Variants in MANBA observed in about 807,000 individuals in gnomAD.
MANBA encodes the protein mannosidase beta.
MANBA carries 83 observed loss-of-function variants against 111.1 expected under a neutral mutation model. The ratio of observed to expected loss-of-function variants is 0.75; its 90% CI spans 0.63 to 0.90. MANBA has a LOEUF of 0.90. Among genes scored for constraint, MANBA ranks in the 40% least tolerant of loss-of-function variants. The probability of loss-of-function intolerance (pLI) is 0.00; values close to 1 mark genes in which losing one functional copy is unlikely to be tolerated. For missense variants in MANBA, 1,036 were observed against 1,069.0 expected, an observed-to-expected ratio of 0.97 and a Z score of 0.43; for synonymous variants, 370 against 378.7, an observed-to-expected ratio of 0.98 and a Z score of 0.27.
At chr4:102,674,868 A>G (rs1297336642) in intron 7 of MANBA, among the ~76,000 whole-genome samples, 1 of 152,262 alleles carries the variant, frequency 6.6e-6, no homozygotes, top group Non-Finnish European at 1.5e-5. Context: ...TTAAGCCAAA[A>G]GCACACATTT....
At position 102,659,690 on chromosome 4, in the gene MANBA, A is replaced by G. The variant is rs914372927; in HGVS notation, c.1486-1790T>C. On this transcript the variant is annotated intron_variant, in intron 11 of 16. Transcript: ENST00000647097. ...CTAAACCCCTGACATTCATTTCCTG[A>G]TCATTTCACTCCACTGAAATGTTTT... Among the ~76,000 whole-genome samples, 8 of 152,130 alleles carry G rather than the reference A, an allele frequency of 5.3e-5. No homozygotes were observed. In the South Asian group the frequency reaches 1.5e-3, roughly 28 times the overall value.
At chr4:102,635,086 T>C (rs373469166) in intron 15 of MANBA, 41 bp from the exon 16 acceptor site, 26 of 1,607,814 alleles carry the variant, frequency 1.6e-5, no homozygotes, top group Non-Finnish European at 2.1e-5. Flanking sequence ...GCATTCTTGG[T>C]TGCTATGTTT....
intron 5 of MANBA, among the ~76,000 whole-genome samples, chr4:102,693,400 G>C (rs1732570547): frequency 1.3e-5 from 2 of 152,212 alleles, no homozygotes; most frequent in South Asian, 2.1e-4. Context: ...ATAAGGGTGG[G>C]GCAGTAATCT....
intron 1 of MANBA, chr4:102,728,754 G>A: frequency 1.1e-6 from 1 of 883,286 alleles, no homozygotes; most frequent in Non-Finnish European, 1.7e-6. Flanking sequence ...GTTCACTTGG[G>A]CAGGACGTCA....
At chr4:102,706,752 T>C (rs946116213) in intron 5 of MANBA, among the ~76,000 whole-genome samples, 27 of 151,668 alleles carry the variant, frequency 1.8e-4, no homozygotes, top group African/African-American at 6.1e-4. Context: ...CAGACAGATA[T>C]AATAAAAAAG....
At chr4:102,760,965 ACTCAC>A in exon 1 of MANBA, 1 of 1,419,288 alleles carries the variant, frequency 7.0e-7, no homozygotes. Context: ...CGGTGAAGCC[ACTCAC>A]CCCCTCGGAA....
rs1458209715 is a variant in MANBA, at chr4:102,722,657, AC to A, written c.549+213del. Reference sequence around the variant, plus strand: ...TTTTTCTGTTACCTAAGTTCTGAACACGCTTCAGGAAGAAAACTTAGAAAAA... The same window carrying A: ...TTTTTCTGTTACCTAAGTTCTGAACAGCTTCAGGAAGAAAACTTAGAAAAA... On this transcript the variant is annotated intron_variant, in intron 4 of 16. Coordinates refer to ENST00000647097, the MANE Select transcript of MANBA (RefSeq NM_005908.4). 5.3e-6 allele frequency: 3 copies of A among 570,348 alleles called. No individual in the cohort carries two copies. The East Asian group carries it at 9.2e-5, about 17-fold the overall frequency. The allele number at this position is 570,348 out of a possible 1,614,324, so 35.3% of individuals were successfully genotyped here.
intron 5 of MANBA, among the ~76,000 whole-genome samples, chr4:102,701,854 C>T (rs1420133758): frequency 6.7e-6 from 1 of 148,976 alleles, no homozygotes; most frequent in African/African-American, 2.5e-5. Context: ...TTGCTCTTCT[C>T]GAGGAGTATC....
intron 5 of MANBA, among the ~76,000 whole-genome samples, chr4:102,700,535 T>C (rs1732979582): frequency 6.6e-6 from 1 of 152,142 alleles, no homozygotes; most frequent in African/African-American, 2.4e-5. Context: ...TTTGAATGTG[T>C]CCCAGAGATT....
intron 1 of MANBA, among the ~76,000 whole-genome samples, chr4:102,744,736 T>C (rs755523163): frequency 2.6e-5 from 4 of 152,214 alleles, no homozygotes; most frequent in Non-Finnish European, 4.4e-5. Context: ...ACAGGTCAAA[T>C]AGGAGACTTG....
intron 1 of MANBA, among the ~76,000 whole-genome samples, chr4:102,757,150 A>T (rs145138490): frequency 0.012 from 1,792 of 152,160 alleles, 35 homozygotes; most frequent in African/African-American, 0.041. Flanking sequence ...ACCAACATGG[A>T]GAAAGCTTGT....
intron 1 of MANBA, among the ~76,000 whole-genome samples, chr4:102,731,286 T>A (rs908900940): frequency 1.1e-4 from 17 of 152,056 alleles, no homozygotes; most frequent in Non-Finnish European, 4.4e-5. Context: ...TAGCCAGCAG[T>A]CTCTCATTGC....
At chr4:102,709,280 A>G (rs1721910876) in intron 5 of MANBA, among the ~76,000 whole-genome samples, 2 of 47,928 alleles carry the variant, frequency 4.2e-5, no homozygotes, top group African/African-American at 8.6e-5. Flanking sequence ...AAAGAAAAGA[A>G]AGAAAGGAAG....
At chr4:102,729,987 C>A in intron 1 of MANBA, 1 of 894,798 alleles carries the variant, frequency 1.1e-6, no homozygotes. Context: ...GGTGGTGATG[C>A]CACCCACGCT....
At chr4:102,694,959 T>C (rs1295899288) in intron 5 of MANBA, among the ~76,000 whole-genome samples, 2 of 152,136 alleles carry the variant, frequency 1.3e-5, no homozygotes. Context: ...TGGTAGAGAA[T>C]GTGGTTCTGG....
At chr4:102,662,739 C>G (rs1389869048) in intron 11 of MANBA, 2 of 155,108 alleles carry the variant, frequency 1.3e-5, no homozygotes, top group African/African-American at 4.8e-5. Context: ...CAGGGAAATG[C>G]ATCTGGTTCA....
intron 1 of MANBA, among the ~76,000 whole-genome samples, chr4:102,758,144 C>T (rs1002729554): frequency 6.6e-6 from 1 of 152,188 alleles, no homozygotes; most frequent in South Asian, 2.1e-4. Context: ...ACTGTCTCTT[C>T]CTTTAACCTG....
chr4:102,698,807 T>C (rs1043419645), intron 5 of MANBA, among the ~76,000 whole-genome samples: 6 of 151,180 alleles, frequency 4.0e-5, no homozygotes, highest in Non-Finnish European at 8.9e-5. Context: ...TCCAGCTTTG[T>C]TCTTTTGGCT....
intron 5 of MANBA, among the ~76,000 whole-genome samples, chr4:102,700,061 T>A (rs1732945339): frequency 6.7e-6 from 1 of 150,102 alleles, no homozygotes; most frequent in Non-Finnish European, 1.5e-5. Flanking sequence ...ATTCAGAGAT[T>A]CAACTTCTTC....
Sources: allele counts gnomAD v4.1 joint callset (sites outside exome capture counted in the v4.1 genomes callset), GRCh38; gene constraint gnomAD v4.1.1; transcripts MANE v1.5; gene names NCBI Gene and HGNC (gene_info 2026-07-23, HGNC 2026-07-21).